Variants in TSPEAR observed in about 807,000 individuals in gnomAD.
TSPEAR encodes thrombospondin type laminin G domain and EAR repeats, also known as thrombospondin-type laminin G domain and EAR repeat-containing protein.
TSPEAR carries 69 observed loss-of-function variants against 71.6 expected under a neutral mutation model. That is an observed-to-expected ratio of 0.96 (90% CI 0.79 to 1.18). TSPEAR has a LOEUF of 1.18. Ranked by LOEUF, TSPEAR falls within the 50% of genes most tolerant of loss-of-function variation. The pLI, the probability that TSPEAR is intolerant of heterozygous loss-of-function variation, is 0.00. For synonymous variants in TSPEAR, 402 were observed against 387.2 expected, an observed-to-expected ratio of 1.04 and a Z score of -0.45; for missense variants, 971 against 894.9, an observed-to-expected ratio of 1.09 and a Z score of -1.09.
intron 1 of TSPEAR, among the ~76,000 whole-genome samples, chr21:44,590,594 C>T (rs1979722961): frequency 1.3e-5 from 2 of 152,164 alleles, no homozygotes; most frequent in Non-Finnish European, 2.9e-5. Context: ...GGCGTGGTCC[C>T]CATGTCTTAC....
chr21:44,557,889 A>G, intron 2 of TSPEAR: 2 of 828,480 alleles, frequency 2.4e-6, no homozygotes, highest in Non-Finnish European at 1.9e-6. Flanking sequence ...AGGGTGTGGG[A>G]GAGATGCATG....
intron 9 of TSPEAR, chr21:44,509,803 C>T: frequency 4.5e-6 from 1 of 223,794 alleles, no homozygotes; most frequent in South Asian, 6.2e-5. Context: ...CTCAGCAATC[C>T]ATGCCTTCTC....
chr21:44,507,951 TTCTTTATTA>T lies in TSPEAR; in HGVS notation c.1754+1239_1754+1247del, dbSNP rs1232658480. The T allele has an allele frequency of 2.0e-5, 3 of 152,314 alleles. No individual in the cohort carries two copies. The East Asian group carries it at 5.8e-4, about 29-fold the overall frequency. The allele number at this position is 152,314 out of a possible 1,614,324, so 9.4% of individuals were successfully genotyped here. On this transcript the variant is annotated intron_variant, in intron 10 of 11. Coordinates refer to ENST00000323084, the MANE Select transcript of TSPEAR (RefSeq NM_144991.3). ...CAGCAGACACCGCCGCTGGCTCTTTTTCTTTATTATGAGTGTTCTTTTTTTAATTTTTAA... is the reference window on the plus strand; with the variant it reads ...CAGCAGACACCGCCGCTGGCTCTTTTTGAGTGTTCTTTTTTTAATTTTTAA...
intron 1 of TSPEAR, chr21:44,654,262 A>C (rs1555942024): frequency 6.2e-7 from 1 of 1,610,062 alleles, no homozygotes; most frequent in Non-Finnish European, 8.5e-7. Context: ...CGAGGGTCAT[A>C]GGAGGCCACC....
chr21:44,539,443 G>A (rs1555916834), intron 2 of TSPEAR: 1 of 1,613,084 alleles, frequency 6.2e-7, no homozygotes, highest in Middle Eastern at 1.7e-4. Flanking sequence ...ATACAGGGCG[G>A]CAGAGGAGGG....
chr21:44,654,149 G>A (rs1984977529), intron 1 of TSPEAR: 2 of 722,044 alleles, frequency 2.8e-6, no homozygotes, highest in Non-Finnish European at 4.7e-6. Flanking sequence ...GTGCCGCAAA[G>A]GAGGCAGGCG....
In TSPEAR at chr21:44,532,250, C is replaced by T. The variant is rs147980253; in HGVS notation, c.543-1117G>A. Among the ~76,000 whole-genome samples the T allele has an allele frequency of 6.1e-3, 923 of 152,370 alleles. 9 individuals are homozygous for T. Among genetic ancestry groups the T allele is most frequent in the African/African-American group, 0.021 (887 of 41,582 alleles). ...GGAACATTCCTAATCATTATGCTTT[C>T]GACCCTGATTTCTTCCTTTCTCCTG... On this transcript the variant is annotated intron_variant, in intron 3 of 11. Transcript: ENST00000323084.
intron 1 of TSPEAR, among the ~76,000 whole-genome samples, chr21:44,709,404 C>T (rs1404369119): frequency 2.6e-5 from 4 of 152,232 alleles, no homozygotes; most frequent in Non-Finnish European, 5.9e-5. Flanking sequence ...GGGCTGGAGC[C>T]GCCTGAAAAT....
chr21:44,677,774 AGTTGATTTCTTTG>A, intron 1 of TSPEAR: 4 of 1,327,892 alleles, frequency 3.0e-6, no homozygotes, highest in Non-Finnish European at 4.3e-6. Flanking sequence ...GACCAGACTG[AGTTGATTTCTTTG>A]GCAATGGAAC....
At chr21:44,514,365 TAC>T (rs1555913087) in intron 9 of TSPEAR, among the ~76,000 whole-genome samples, 2 of 152,022 alleles carry the variant, frequency 1.3e-5, no homozygotes, top group African/African-American at 4.8e-5. Context: ...TGGAAGCGAG[TAC>T]ACACACGTGT....
At chr21:44,532,023 CCTG>C (rs1464891407) in intron 3 of TSPEAR, among the ~76,000 whole-genome samples, 1 of 152,248 alleles carries the variant, frequency 6.6e-6, no homozygotes, top group Non-Finnish European at 1.5e-5. Flanking sequence ...CAGCTCCTGC[CCTG>C]CTGTCCCAGA....
chr21:44,584,458 A>T (rs1444283314), intron 1 of TSPEAR, among the ~76,000 whole-genome samples: 1 of 152,198 alleles, frequency 6.6e-6, no homozygotes, highest in Admixed American at 6.5e-5. Flanking sequence ...AAGATTGCTC[A>T]TCACATGGTA....
chr21:44,697,603 G>A, intron 1 of TSPEAR: 2 of 1,614,008 alleles, frequency 1.2e-6, no homozygotes, highest in South Asian at 1.1e-5. Flanking sequence ...GCTGCCAGCA[G>A]TCTAGCTGCC....
chr21:44,515,965 C>CA (rs2052553329), intron 9 of TSPEAR: 1 of 152,340 alleles, frequency 6.6e-6, no homozygotes, highest in Non-Finnish European at 1.5e-5. Flanking sequence ...GCTCCATCCC[C>CA]ATGGGGCAGG....
chr21:44,639,837 C>T (rs906968811), intron 1 of TSPEAR, among the ~76,000 whole-genome samples: 1 of 152,224 alleles, frequency 6.6e-6, no homozygotes, highest in Admixed American at 6.5e-5. Flanking sequence ...AAGGCACCGA[C>T]AGGACCCAGC....
intron 1 of TSPEAR, chr21:44,658,090 C>T (rs1387918181): frequency 1.4e-5 from 23 of 1,613,824 alleles, no homozygotes; most frequent in East Asian, 4.5e-5. Context: ...TGTGCATGCC[C>T]GTGAGCTGCA....
Position 44,653,933 on chromosome 21 carries a change from G to T in TSPEAR, c.82+57500C>A, listed in dbSNP as rs371464528. On this transcript the variant is annotated intron_variant, in intron 1 of 11. Transcript: ENST00000323084. ...GGAGCTTTCCAGAATCCTGGGGAAG[G>T]TACCTCCTGAGGAAGGAGTGTGGGA... is the stretch of plus-strand genomic sequence containing the variant. Among the ~76,000 whole-genome samples, 13 of 152,326 alleles carry T rather than the reference G, an allele frequency of 8.5e-5. 1 individual carries two copies. The East Asian group carries it at 1.9e-3, about 23-fold the overall frequency.
chr21:44,594,211 C>T (rs1236427474), intron 1 of TSPEAR, among the ~76,000 whole-genome samples: 1 of 152,070 alleles, frequency 6.6e-6, no homozygotes, highest in Non-Finnish European at 1.5e-5. Context: ...TCACAGAAGT[C>T]AGAGGGGAGG....
chr21:44,640,431 A>T (rs1444051297), intron 1 of TSPEAR, among the ~76,000 whole-genome samples: 1 of 152,184 alleles, frequency 6.6e-6, no homozygotes, highest in Non-Finnish European at 1.5e-5. Flanking sequence ...TGGTTTTTGG[A>T]GTGGGAATGT....
Sources: allele counts gnomAD v4.1 joint callset (sites outside exome capture counted in the v4.1 genomes callset), GRCh38; gene constraint gnomAD v4.1.1; transcripts MANE v1.5; gene names NCBI Gene and HGNC (gene_info 2026-07-23, HGNC 2026-07-21).